The following SYT1 variants were observed in gnomAD, a reference collection of about 807,000 sequenced individuals.
SYT1 encodes synaptotagmin-1.
A neutral mutation model predicts 44.8 loss-of-function variants in SYT1; 8 were observed. The observed-to-expected ratio is 0.18, with a 90% CI of 0.10 to 0.32. The LOEUF (loss-of-function observed/expected upper bound fraction) is 0.32, where lower values mean the gene tolerates loss of function less well. Among genes scored for constraint, SYT1 ranks in the 10% least tolerant of loss-of-function variants. The probability of loss-of-function intolerance (pLI) is 1.00; values close to 1 mark genes in which losing one functional copy is unlikely to be tolerated. For synonymous variants in SYT1, 154 were observed against 188.8 expected (o/e 0.82, Z 1.51); for missense variants, 286 against 509.3 (o/e 0.56, Z 4.22).
At chr12:79,285,510 G>A (rs1405679733) in intron 4 of SYT1, among the ~76,000 whole-genome samples, 6 of 152,192 alleles carry the variant, frequency 3.9e-5, no homozygotes, top group Non-Finnish European at 8.8e-5. Flanking sequence ...AATGAGTGAA[G>A]AGATGTGTTC....
intron 5 of SYT1, among the ~76,000 whole-genome samples, chr12:79,288,491 T>C (rs557476165): frequency 2.5e-4 from 38 of 152,268 alleles, no homozygotes; most frequent in African/African-American, 8.4e-4. Flanking sequence ...ATTTTTACCA[T>C]TTTAATTCAT....
chr12:79,269,417 G>C (rs1336855475), intron 4 of SYT1, among the ~76,000 whole-genome samples: 2 of 152,044 alleles, frequency 1.3e-5, no homozygotes, highest in East Asian at 1.9e-4. Context: ...CCTAGGGAAA[G>C]GGAACCATCC....
chr12:79,088,026 C>T (rs547908966), intron 3 of SYT1, among the ~76,000 whole-genome samples: 1 of 152,152 alleles, frequency 6.6e-6, no homozygotes, highest in South Asian at 2.1e-4. Flanking sequence ...GTGCCTACTG[C>T]CTCTCTGTGC....
intron 1 of SYT1, chr12:78,976,610 C>T (rs1055136826): frequency 2.0e-5 from 3 of 152,096 alleles, no homozygotes; most frequent in African/African-American, 7.2e-5. Context: ...TAGGAAAACT[C>T]AAATCTTCAA....
At chr12:79,229,603 T>C (rs76981314) in intron 4 of SYT1, among the ~76,000 whole-genome samples, 1 of 69,100 alleles carries the variant, frequency 1.4e-5, no homozygotes, top group African/African-American at 7.6e-5. Flanking sequence ...TTTATTTTTT[T>C]ATTTTTTTTA....
intron 1 of SYT1, among the ~76,000 whole-genome samples, chr12:78,921,525 T>C (rs1335657018): frequency 6.6e-6 from 1 of 152,002 alleles, no homozygotes; most frequent in African/African-American, 2.4e-5. Flanking sequence ...TGGTTGTATA[T>C]GCTACAATTC....
intron 3 of SYT1, among the ~76,000 whole-genome samples, chr12:79,216,465 T>C (rs1263379218): frequency 2.6e-5 from 4 of 152,168 alleles, no homozygotes; most frequent in African/African-American, 9.7e-5. Flanking sequence ...ATGGAGAATA[T>C]TCGTTCATTT....
chr12:79,292,154 T>A (rs1358970072), intron 6 of SYT1, 24 bp downstream of exon 6: 1 of 1,597,978 alleles, frequency 6.3e-7, no homozygotes, highest in South Asian at 1.1e-5. Context: ...AAATGTCTTC[T>A]AATTCCATTA....
intron 8 of SYT1, among the ~76,000 whole-genome samples, chr12:79,300,029 C>T (rs1880058990): frequency 6.6e-6 from 1 of 152,126 alleles, no homozygotes; most frequent in Non-Finnish European, 1.5e-5. Context: ...GATACGAGAG[C>T]ATGATTGGTC....
intron 1 of SYT1, among the ~76,000 whole-genome samples, chr12:78,892,943 A>G (rs1383922540): frequency 6.6e-6 from 1 of 151,898 alleles, no homozygotes; most frequent in African/African-American, 2.4e-5. Flanking sequence ...ATTAGGATGT[A>G]TAAGTAGCAT....
At chr12:79,275,576 A>C (rs1042543208) in intron 4 of SYT1, among the ~76,000 whole-genome samples, 3 of 152,112 alleles carry the variant, frequency 2.0e-5, no homozygotes, top group Admixed American at 2.0e-4. Flanking sequence ...AAGGTAGGTC[A>C]CTTTTGTGCT....
chr12:79,371,213 A>G (rs1190538386), intron 9 of SYT1, among the ~76,000 whole-genome samples: 1 of 152,196 alleles, frequency 6.6e-6, no homozygotes, highest in African/African-American at 2.4e-5. Flanking sequence ...GAAATGGCAA[A>G]GGCCCAGCTC....
At chr12:79,070,093 C>G (rs1238651994) in intron 3 of SYT1, among the ~76,000 whole-genome samples, 3 of 152,000 alleles carry the variant, frequency 2.0e-5, no homozygotes, top group Admixed American at 2.0e-4. Context: ...TAACCAAAGC[C>G]TATTCTTTGA....
chr12:79,119,384 G>A lies in SYT1; in HGVS notation c.-18+72022G>A, dbSNP rs534136806. On this transcript the variant is annotated intron_variant, in intron 3 of 10. Transcript: ENST00000261205. ...CAAGTCCCTCCTTGATCTGGTTCACGCTTTCTTCTATAAAACTTTACCGCT... is the reference window on the plus strand; with the variant it reads ...CAAGTCCCTCCTTGATCTGGTTCACACTTTCTTCTATAAAACTTTACCGCT... Among the ~76,000 whole-genome samples the A allele has an allele frequency of 7.9e-5, 12 of 152,130 alleles. No individual in the cohort carries two copies. The South Asian group carries it at 1.2e-3, about 16-fold the overall frequency.
chr12:78,889,290 A>C (rs1874916974), intron 1 of SYT1, among the ~76,000 whole-genome samples: 1 of 151,926 alleles, frequency 6.6e-6, no homozygotes, highest in Admixed American at 6.6e-5. Context: ...CTGGGGAATG[A>C]GCTTATAGCT....
At chr12:79,202,656 G>A (rs1366695125) in intron 3 of SYT1, among the ~76,000 whole-genome samples, 2 of 152,138 alleles carry the variant, frequency 1.3e-5, no homozygotes, top group Admixed American at 6.5e-5. Context: ...CAAGTCCCCC[G>A]GATTTATTTG....
intron 4 of SYT1, among the ~76,000 whole-genome samples, chr12:79,231,001 TA>T (rs1205748869): frequency 2.0e-5 from 3 of 152,322 alleles, no homozygotes; most frequent in East Asian, 3.9e-4. Flanking sequence ...ACATTTTCAC[TA>T]AGCAAAGCCT....
At chr12:79,231,374 T>C (rs909288279) in intron 4 of SYT1, among the ~76,000 whole-genome samples, 2 of 152,102 alleles carry the variant, frequency 1.3e-5, no homozygotes, top group African/African-American at 4.8e-5. Context: ...CATTGAAAGA[T>C]TTCCTCACTA....
At chr12:79,084,032 C>A (rs1766583868) in intron 3 of SYT1, among the ~76,000 whole-genome samples, 1 of 152,078 alleles carries the variant, frequency 6.6e-6, no homozygotes, top group African/African-American at 2.4e-5. Context: ...CACAGAAGTG[C>A]ATATGTATAG....
Sources: allele counts gnomAD v4.1 joint callset (sites outside exome capture counted in the v4.1 genomes callset), GRCh38; gene constraint gnomAD v4.1.1; transcripts MANE v1.5; gene names NCBI Gene and HGNC (gene_info 2026-07-23, HGNC 2026-07-21).